EPHB1: variants seen among roughly 807,000 people sequenced by gnomAD.
EPHB1 encodes the protein EPH receptor B1, also known as ephrin type-B receptor 1.
A neutral mutation model predicts 94.4 loss-of-function variants in EPHB1; 30 were observed. That is an observed-to-expected ratio of 0.32 (90% CI 0.24 to 0.43). The LOEUF is 0.43. EPHB1 is among the 20% of genes least tolerant of loss of function. The pLI is 1.00. For missense variants in EPHB1, 1,055 were observed against 1,308.3 expected (o/e 0.81, Z 2.99); for synonymous variants, 522 against 489.1 (o/e 1.07, Z -0.89).
chr3:135,159,575 G>T (rs765664139), intron 6 of EPHB1, among the ~76,000 whole-genome samples: 3 of 152,218 alleles, frequency 2.0e-5, no homozygotes, highest in Non-Finnish European at 4.4e-5. Context: ...AAGTAGAAAT[G>T]ATCAAAGTTC....
chr3:134,797,620 G>C (rs375287662), intron 1 of EPHB1, among the ~76,000 whole-genome samples: 2 of 152,166 alleles, frequency 1.3e-5, no homozygotes, highest in Non-Finnish European at 2.9e-5. Context: ...TGAGGACGTG[G>C]TCAGTTTCCT....
At chr3:135,137,565 T>A (rs1501196) in intron 5 of EPHB1, among the ~76,000 whole-genome samples, 152,236 of 152,240 alleles carry the variant, frequency 1, 76,116 homozygotes, top group Non-Finnish European at 1. Flanking sequence ...GGCAGAGTGC[T>A]GTGGGGTATT....
Position 135,037,234 on chromosome 3 carries a change from A to G in EPHB1, c.806-69214A>G, listed in dbSNP as rs188747441. Among the ~76,000 whole-genome samples the G allele has an allele frequency of 5.1e-3, 779 of 152,280 alleles. 8 individuals are homozygous for G. Among genetic ancestry groups the G allele is most frequent in the African/African-American group, 0.018 (734 of 41,548 alleles). On this transcript the variant is annotated intron_variant, in intron 3 of 15. Transcript: ENST00000398015. ...ACTCCAGATGCACTCTGAAAATGAA[A>G]AGTCTGTTCTTTGTTTCAAATCTCC...
At chr3:135,143,027 A>G (rs1030239698) in intron 5 of EPHB1, among the ~76,000 whole-genome samples, 1 of 152,132 alleles carries the variant, frequency 6.6e-6, no homozygotes, top group Non-Finnish European at 1.5e-5. Flanking sequence ...AAAATCATAA[A>G]CTGTCATCAG....
chr3:134,900,367 G>A (rs1356203800), intron 1 of EPHB1, among the ~76,000 whole-genome samples: 13 of 152,130 alleles, frequency 8.5e-5, no homozygotes, highest in Admixed American at 8.5e-4. Flanking sequence ...TAGCTGAATA[G>A]AGATAACCTA....
At chr3:134,801,792 G>A (rs1212615828) in intron 1 of EPHB1, among the ~76,000 whole-genome samples, 1 of 152,144 alleles carries the variant, frequency 6.6e-6, no homozygotes. Flanking sequence ...TTGGGTGGGG[G>A]GCATTGAGTG....
At chr3:134,846,443 C>T (rs1578132839) in intron 1 of EPHB1, among the ~76,000 whole-genome samples, 1 of 152,188 alleles carries the variant, frequency 6.6e-6, no homozygotes, top group East Asian at 1.9e-4. Flanking sequence ...TTATTCCCTC[C>T]ACGCACATCA....
At chr3:135,014,204 T>C (rs111581378) in intron 3 of EPHB1, among the ~76,000 whole-genome samples, 90 of 152,204 alleles carry the variant, frequency 5.9e-4, no homozygotes, top group African/African-American at 2.0e-3. Context: ...ATGGAGGGAA[T>C]TGAAGATTCA....
intron 3 of EPHB1, among the ~76,000 whole-genome samples, chr3:134,967,649 A>G (rs1933812908): frequency 6.6e-6 from 1 of 152,210 alleles, no homozygotes; most frequent in Non-Finnish European, 1.5e-5. Context: ...GGCCCTCACC[A>G]GATGTAGCAC....
intron 12 of EPHB1, among the ~76,000 whole-genome samples, chr3:135,206,724 C>G (rs1402135328): frequency 6.6e-6 from 1 of 152,146 alleles, no homozygotes; most frequent in Non-Finnish European, 1.5e-5. Flanking sequence ...TGACTCATGC[C>G]TGTAATCCCA....
chr3:134,808,778 C>T (rs1023969355), intron 1 of EPHB1, among the ~76,000 whole-genome samples: 1 of 152,118 alleles, frequency 6.6e-6, no homozygotes, highest in Non-Finnish European at 1.5e-5. Flanking sequence ...GCATCATGAT[C>T]AAATTTAAAG....
intron 3 of EPHB1, among the ~76,000 whole-genome samples, chr3:135,096,835 T>A (rs137897193): frequency 6.6e-6 from 1 of 152,200 alleles, no homozygotes; most frequent in East Asian, 1.9e-4. Context: ...CAATGGCTCA[T>A]GCCTGTAGTG....
intron 10 of EPHB1, among the ~76,000 whole-genome samples, chr3:135,185,594 A>G (rs1942306402): frequency 6.6e-6 from 1 of 152,246 alleles, no homozygotes; most frequent in African/African-American, 2.4e-5. Context: ...ATCAACATTC[A>G]GAGGATAGCT....
intron 7 of EPHB1, among the ~76,000 whole-genome samples, chr3:135,163,436 T>A (rs561374383): frequency 6.6e-6 from 1 of 152,314 alleles, no homozygotes; most frequent in Admixed American, 6.5e-5. Flanking sequence ...ATTGTGAGTT[T>A]ATTTGAGGTG....
intron 4 of EPHB1, among the ~76,000 whole-genome samples, chr3:135,118,167 A>T (rs1939789403): frequency 6.6e-6 from 1 of 152,178 alleles, no homozygotes; most frequent in South Asian, 2.1e-4. Context: ...ATGAGGCTCC[A>T]TGAGGTCAGC....
rs537474693 is a variant in EPHB1 at position 135,124,856 on chromosome 3, A to G, written c.962-7858A>G. ...TCCTTGCCCCAGTGAGATATCCTAC[A>G]CTTTGAGGACAGGAGCCTCAAAGGA... is the stretch of plus-strand genomic sequence containing the variant. On this transcript the variant is annotated intron_variant, in intron 4 of 15. Coordinates refer to ENST00000398015, the MANE Select transcript of EPHB1 (RefSeq NM_004441.5). Among the ~76,000 whole-genome samples, 17 of 151,704 alleles carry G rather than the reference A, an allele frequency of 1.1e-4. 1 individual carries two copies. The East Asian group carries it at 2.3e-3, about 21-fold the overall frequency.
rs544077551 is a variant in EPHB1 at position 135,169,368 on chromosome 3, G to T, written c.1759+2362G>T. On this transcript the variant is annotated intron_variant, in intron 9 of 15. Transcript: ENST00000398015. ...ACTCCCTTGGCTTCCTTGGAAGTCT[G>T]TCCTCTTTTTAATTCGGTTTGCCTT... Among the ~76,000 whole-genome samples the T allele has an allele frequency of 1.1e-4, 16 of 152,254 alleles. No individual in the cohort carries two copies. In the South Asian group the frequency reaches 1.9e-3, roughly 18 times the overall value.
chr3:135,245,485 A>G (rs903287910), intron 13 of EPHB1, among the ~76,000 whole-genome samples: 21 of 147,338 alleles, frequency 1.4e-4, no homozygotes, highest in African/African-American at 5.3e-4. Flanking sequence ...CAAAGAGCAA[A>G]TACAAAAACA....
At chr3:135,197,528 A>T (rs757963825) in intron 11 of EPHB1, among the ~76,000 whole-genome samples, 5 of 152,240 alleles carry the variant, frequency 3.3e-5, no homozygotes, top group African/African-American at 1.2e-4. Flanking sequence ...CCTTTCAGTT[A>T]GAAAAAATCT....
Sources: gnomAD v4.1 joint callset for allele counts (sites outside exome capture counted in the v4.1 genomes callset) on GRCh38, gnomAD v4.1.1 for gene constraint, MANE v1.5 for transcripts, NCBI Gene and HGNC (gene_info 2026-07-23, HGNC 2026-07-21) for gene names.